The following STARD9 variants were observed in gnomAD, a reference collection of about 807,000 sequenced individuals.
STARD9 encodes the protein stAR-related lipid transfer protein 9.
In STARD9, 346 loss-of-function variants were observed where a neutral mutation model predicts 399.8. That is an observed-to-expected ratio of 0.87 (90% CI 0.79 to 0.95). The LOEUF (loss-of-function observed/expected upper bound fraction) is 0.95, where lower values mean the gene tolerates loss of function less well. STARD9 is among the 40% of genes least tolerant of loss of function. The probability of loss-of-function intolerance (pLI) is 0.00; values close to 1 mark genes in which losing one functional copy is unlikely to be tolerated. For synonymous variants in STARD9, 2,203 were observed against 2,143.5 expected (o/e 1.03, Z -0.77); for missense variants, 5,832 against 5,667.5 (o/e 1.03, Z -0.93).
At chr15:42,592,621 T>A (rs1566857624) in intron 3 of STARD9, among the ~76,000 whole-genome samples, 1 of 151,846 alleles carries the variant, frequency 6.6e-6, no homozygotes, top group Non-Finnish European at 1.5e-5. Flanking sequence ...ATTTTTGTAT[T>A]TGTAGTAGAG....
At position 42,688,513 on chromosome 15, in the gene STARD9, C is replaced by T. The variant is rs994943164; in HGVS notation, c.6935C>T (p.Thr2312Ile). The change falls in exon 23 of 33, where the codon ACT becomes ATT. Residue 2312 changes from threonine (T) to isoleucine (I), a missense_variant. Thr to Ile is a moderately conservative substitution (Grantham distance 89). Transcript: ENST00000290607. ...LCRDTFFRQE[T>I]VSPLLSRTEF... ...AGGGACACGTTTTTCAGGCAGGAAA[C>T]TGTCAGCCCATTACTAAGCCGGACA... The T allele has an allele frequency of 1.2e-5, 19 of 1,537,808 alleles. No individual in the cohort carries two copies. Among genetic ancestry groups the T allele is most frequent in the African/African-American group, 4.1e-5 (3 of 73,060 alleles).
intron 3 of STARD9, among the ~76,000 whole-genome samples, chr15:42,614,208 G>A (rs2058911054): frequency 6.6e-6 from 1 of 151,958 alleles, no homozygotes; most frequent in Non-Finnish European, 1.5e-5. Flanking sequence ...TTACTTGGGA[G>A]GCTGAGGGAG....
chr15:42,590,629 GA>G (rs1359522502), intron 3 of STARD9, among the ~76,000 whole-genome samples: 1 of 152,180 alleles, frequency 6.6e-6, no homozygotes, highest in African/African-American at 2.4e-5. Flanking sequence ...AATTTATAAA[GA>G]AAAGAGGTTT....
chr15:42,581,794 A>G (rs2058177874), intron 1 of STARD9, among the ~76,000 whole-genome samples: 1 of 152,212 alleles, frequency 6.6e-6, no homozygotes, highest in Admixed American at 6.5e-5. Flanking sequence ...ACATTTGATA[A>G]AAGAATACAT....
At chr15:42,618,452 G>C (rs112369865) in intron 3 of STARD9, among the ~76,000 whole-genome samples, 52 of 152,104 alleles carry the variant, frequency 3.4e-4, no homozygotes, top group Admixed American at 1.1e-3. Context: ...TTTTATTTGT[G>C]TTGATTTTGT....
At chr15:42,598,036 G>GTGTGTGTGTA (rs1555388952) in intron 3 of STARD9, among the ~76,000 whole-genome samples, 3 of 149,164 alleles carry the variant, frequency 2.0e-5, no homozygotes, top group Non-Finnish European at 4.5e-5. Context: ...GTGTGTGTGT[G>GTGTGTGTGTA]TGTGTATGTG....
chr15:42,585,537 A>T lies in STARD9; in HGVS notation c.134A>T (p.Asp45Val). The T allele has an allele frequency of 6.5e-7, 1 of 1,536,974 alleles. No individual in the cohort carries two copies. Among genetic ancestry groups the T allele is most frequent in the Non-Finnish European group, 8.7e-7 (1 of 1,146,714 alleles). Residue 45 changes from aspartate (D) to valine (V), a missense_variant, in exon 3 of 33, where the codon GAT becomes GTT. Physicochemically the swap from Asp to Val is radical, Grantham distance 152 (BLOSUM62 -3). Transcript: ENST00000290607. ...TGATTTTAGGTGGACAATCGACCAG[A>T]TGGCTTTGGGGACTCCCGGGAGAAG... ...IRNLKVDNRP[D>V]GFGDSREKVM... is the part of the protein sequence containing the mutation.
rs2061017502 is a variant in STARD9, at chr15:42,703,721, G to A, written c.13284+7841G>A. Among the ~76,000 whole-genome samples the A allele has an allele frequency of 2.0e-5, 3 of 151,730 alleles. No individual in the cohort carries two copies. The South Asian group carries it at 6.3e-4, about 32-fold the overall frequency. ...ACACAGATTCTTTAAGCTTTCTTTT[G>A]TTCTTTTTCATTCTTTTTTTCTTTC... On this transcript the variant is annotated intron_variant, in intron 26 of 32. Transcript: ENST00000290607.
At chr15:42,626,553 C>T (rs375653058) in intron 3 of STARD9, among the ~76,000 whole-genome samples, 1 of 151,084 alleles carries the variant, frequency 6.6e-6, no homozygotes, top group Non-Finnish European at 1.5e-5. Context: ...CAGGCTGGAG[C>T]GCAGTGGCGC....
At chr15:42,618,673 C>G (rs914342544) in intron 3 of STARD9, among the ~76,000 whole-genome samples, 1 of 151,164 alleles carries the variant, frequency 6.6e-6, no homozygotes, top group South Asian at 2.1e-4. Context: ...CTCGGCTCAC[C>G]GCAACCTCTG....
intron 17 of STARD9, 146 bp from the exon 18 acceptor site, chr15:42,674,681 A>G (rs2060273583): frequency 1.5e-6 from 2 of 1,296,252 alleles, no homozygotes; most frequent in African/African-American, 1.5e-5. Flanking sequence ...GGAGGATTTC[A>G]GGTCTGGGTG....
rs1357038688 is a variant in STARD9 at position 42,720,619 on chromosome 15, CTT to C, written c.*1047_*1048del. On this transcript the variant is annotated 3_prime_UTR_variant, in exon 33 of 33. Transcript: ENST00000290607. ...GTACTTTAGCCTGGCTGAACATGAA[CTT>C]TGTGTTTACCTGGAAGTGGTAGGGG... The C allele has an allele frequency of 6.6e-6, 1 of 152,044 alleles. No homozygotes were observed. The highest frequency in any genetic ancestry group is 1.9e-4 in the East Asian group (1 of 5,190). 9.4% of individuals were successfully genotyped at this position (152,044 alleles called of 1,614,324 possible).
intron 3 of STARD9, among the ~76,000 whole-genome samples, chr15:42,621,388 T>A (rs1267138977): frequency 1.3e-5 from 2 of 152,220 alleles, no homozygotes; most frequent in Admixed American, 6.5e-5. Flanking sequence ...TTACTATCAT[T>A]GCTTATTGTG....
intron 9 of STARD9, among the ~76,000 whole-genome samples, chr15:42,654,620 T>C (rs1182513040): frequency 1.3e-5 from 2 of 152,124 alleles, no homozygotes; most frequent in African/African-American, 4.8e-5. Flanking sequence ...AATCAGTAGC[T>C]GTGCTATACA....
intron 16 of STARD9, among the ~76,000 whole-genome samples, chr15:42,673,734 C>T (rs1448146049): frequency 1.3e-5 from 2 of 152,130 alleles, no homozygotes; most frequent in African/African-American, 4.8e-5. Context: ...CATGTTGCTG[C>T]CTTTTCCTAA....
At chr15:42,596,900 T>C (rs1039703117) in intron 3 of STARD9, among the ~76,000 whole-genome samples, 1 of 152,222 alleles carries the variant, frequency 6.6e-6, no homozygotes, top group Admixed American at 6.5e-5. Context: ...TCCCTTTCTA[T>C]ACCTCCCACT....
chr15:42,678,597 G>A (rs529337535), intron 20 of STARD9, among the ~76,000 whole-genome samples: 1 of 152,330 alleles, frequency 6.6e-6, no homozygotes, highest in African/African-American at 2.4e-5. Flanking sequence ...TGCGGCTTTA[G>A]TAAGTAGATG....
At chr15:42,590,088 G>A (rs1042629707) in intron 3 of STARD9, among the ~76,000 whole-genome samples, 1 of 151,192 alleles carries the variant, frequency 6.6e-6, no homozygotes, top group Non-Finnish European at 1.5e-5. Context: ...AGCCTCCTGA[G>A]TAGCTGGGAC....
rs1210888454 is a variant in STARD9, at chr15:42,693,812, A to T, written c.12234A>T (p.Ser4078=). The change falls in exon 23 of 33, where the codon TCA becomes TCT. Residue 4078 remains serine (S), a synonymous_variant. Transcript: ENST00000290607. ...AACGCACTCTGGACCGACCTTCTTC[A>T]TGGGGAGGCCTCCAGCACCTCAGCC... ...EPQRTLDRPS[S]WGGLQHLSPC... is the part of the protein sequence containing the mutation. 1 of 1,536,468 alleles carries T rather than the reference A, an allele frequency of 6.5e-7. No individual in the cohort carries two copies. The highest frequency in any genetic ancestry group is 8.7e-7 in the Non-Finnish European group (1 of 1,146,646).
Sources: allele counts gnomAD v4.1 joint callset (sites outside exome capture counted in the v4.1 genomes callset), GRCh38; gene constraint gnomAD v4.1.1; transcripts MANE v1.5; gene names NCBI Gene and HGNC (gene_info 2026-07-23, HGNC 2026-07-21).